DTWD2: variants seen among roughly 807,000 people sequenced by gnomAD.
DTWD2 encodes DTW motif tRNA-uridine aminocarboxypropyltransferase 2, also known as tRNA-uridine aminocarboxypropyltransferase 2.
A neutral mutation model predicts 31.8 loss-of-function variants in DTWD2; 39 were observed. The ratio of observed to expected loss-of-function variants is 1.22; its 90% CI spans 0.95 to 1.60. The LOEUF (loss-of-function observed/expected upper bound fraction) is 1.60. Among genes scored for constraint, DTWD2 ranks in the 40% most tolerant of loss-of-function variants. DTWD2 has a pLI of 0.00. For missense variants in DTWD2, 515 were observed against 381.5 expected, an observed-to-expected ratio of 1.35 and a Z score of -2.92; for synonymous variants, 180 against 142.8, an observed-to-expected ratio of 1.26 and a Z score of -1.86.
chr5:118,896,633 C>A (rs1300583905), intron 4 of DTWD2, among the ~76,000 whole-genome samples: 1 of 152,168 alleles, frequency 6.6e-6, no homozygotes, highest in Non-Finnish European at 1.5e-5. Context: ...ATTCTAAAAA[C>A]TAACACAAAG....
chr5:118,985,796 C>G (rs557286394), intron 1 of DTWD2, among the ~76,000 whole-genome samples: 1 of 152,110 alleles, frequency 6.6e-6, no homozygotes, highest in South Asian at 2.1e-4. Context: ...TTTACAAATA[C>G]TTTTACTTTG....
intron 2 of DTWD2, among the ~76,000 whole-genome samples, chr5:118,941,144 C>T (rs17144840): frequency 0.031 from 4,733 of 151,894 alleles, 93 homozygotes; most frequent in African/African-American, 0.04. Context: ...ATGGGAGAGT[C>T]AAAAACTAGC....
chr5:118,954,718 T>G (rs181836531), intron 1 of DTWD2, among the ~76,000 whole-genome samples: 3 of 152,128 alleles, frequency 2.0e-5, no homozygotes, highest in Non-Finnish European at 2.9e-5. Context: ...TTTGGATTTT[T>G]TTTTGTAGAG....
intron 4 of DTWD2, among the ~76,000 whole-genome samples, chr5:118,913,065 T>C (rs956311341): frequency 6.6e-6 from 1 of 152,172 alleles, no homozygotes; most frequent in African/African-American, 2.4e-5. Context: ...TAGCGTTCCA[T>C]TATTGGGATG....
chr5:118,910,929 C>T (rs1374537082), intron 4 of DTWD2, among the ~76,000 whole-genome samples: 1 of 152,074 alleles, frequency 6.6e-6, no homozygotes, highest in East Asian at 1.9e-4. Context: ...TTTATAAGGG[C>T]ACTAATCCAA....
At chr5:118,934,519 CA>C (rs1753995444) in intron 3 of DTWD2, among the ~76,000 whole-genome samples, 1 of 151,742 alleles carries the variant, frequency 6.6e-6, no homozygotes, top group East Asian at 1.9e-4. Flanking sequence ...TCAAGGTAAA[CA>C]GTGATAAAGT....
At chr5:118,845,294 G>T (rs1252210851) in intron 5 of DTWD2, among the ~76,000 whole-genome samples, 1 of 152,216 alleles carries the variant, frequency 6.6e-6, no homozygotes, top group Admixed American at 6.5e-5. Flanking sequence ...AAAAGTGTAT[G>T]TCATCACTTT....
rs1751571161 is a variant in DTWD2 at position 118,836,425 on chromosome 5, G to C, written c.*4492C>G. 6.6e-6 allele frequency among the ~76,000 whole-genome samples: 1 copy of C among 152,074 alleles called. No individual in the cohort carries two copies. The highest frequency in any genetic ancestry group is 1.5e-5 in the Non-Finnish European group (1 of 68,020). Reference sequence around the variant, plus strand: ...GGCTAATTTTTGTATTTTTAGTACAGATGAGGTTTCACCATCTTGGCCAGG... The same window carrying C: ...GGCTAATTTTTGTATTTTTAGTACACATGAGGTTTCACCATCTTGGCCAGG... On this transcript the variant is annotated 3_prime_UTR_variant, in exon 6 of 6. Coordinates refer to ENST00000510708, the MANE Select transcript of DTWD2 (RefSeq NM_173666.4).
At chr5:118,917,508 C>A (rs1404407344) in intron 4 of DTWD2, among the ~76,000 whole-genome samples, 1 of 152,154 alleles carries the variant, frequency 6.6e-6, no homozygotes. Flanking sequence ...TGAAGAAAAA[C>A]CCAAGACTGG....
chr5:118,913,157 C>G (rs1021157497), intron 4 of DTWD2, among the ~76,000 whole-genome samples: 1 of 151,940 alleles, frequency 6.6e-6, no homozygotes, highest in Non-Finnish European at 1.5e-5. Flanking sequence ...ATATTGCCAC[C>G]TCAGGTATAA....
intron 1 of DTWD2, among the ~76,000 whole-genome samples, chr5:118,963,901 T>C (rs1278590304): frequency 4.6e-5 from 7 of 152,088 alleles, no homozygotes; most frequent in Admixed American, 4.6e-4. Context: ...GTACCTAACT[T>C]GGTGAAAGAA....
At chr5:118,927,329 G>T (rs947810273) in intron 4 of DTWD2, among the ~76,000 whole-genome samples, 5 of 151,548 alleles carry the variant, frequency 3.3e-5, no homozygotes, top group East Asian at 1.9e-4. Flanking sequence ...AAAATCAGAA[G>T]AATAATAGAA....
chr5:118,851,322 G>T (rs1409087136), intron 4 of DTWD2, among the ~76,000 whole-genome samples: 1 of 151,644 alleles, frequency 6.6e-6, no homozygotes, highest in Non-Finnish European at 1.5e-5. Flanking sequence ...GCTGGTCTGA[G>T]AAATAAAGAG....
intron 1 of DTWD2, among the ~76,000 whole-genome samples, chr5:118,962,340 G>A (rs564371056): frequency 4.2e-4 from 64 of 152,228 alleles, no homozygotes; most frequent in African/African-American, 1.1e-3. Context: ...CTACAAATAA[G>A]CCACTGATTT....
chr5:118,983,700 G>A (rs141015889), intron 1 of DTWD2, among the ~76,000 whole-genome samples: 1 of 152,298 alleles, frequency 6.6e-6, no homozygotes, highest in East Asian at 1.9e-4. Flanking sequence ...CATTTCAACT[G>A]GTGATAATAC....
chr5:118,881,223 A>T (rs185567393), intron 4 of DTWD2, among the ~76,000 whole-genome samples: 1 of 152,208 alleles, frequency 6.6e-6, no homozygotes, highest in Non-Finnish European at 1.5e-5. Context: ...AATATCTGTT[A>T]AGTCACATGA....
At chr5:118,984,448 A>G (rs1233526643) in intron 1 of DTWD2, among the ~76,000 whole-genome samples, 2 of 151,468 alleles carry the variant, frequency 1.3e-5, no homozygotes, top group Non-Finnish European at 2.9e-5. Flanking sequence ...GTGACAGAGC[A>G]AGACTCCGTT....
intron 4 of DTWD2, among the ~76,000 whole-genome samples, chr5:118,857,628 A>T (rs1208105585): frequency 6.6e-6 from 1 of 152,222 alleles, no homozygotes; most frequent in Non-Finnish European, 1.5e-5. Context: ...TTTTAATGAA[A>T]CATAATTTAT....
chr5:118,978,744 A>C (rs889730032), intron 1 of DTWD2, among the ~76,000 whole-genome samples: 8 of 151,670 alleles, frequency 5.3e-5, no homozygotes, highest in African/African-American at 1.9e-4. Flanking sequence ...GGTGGCTCAC[A>C]CCTGTAATCC....
Sources: gnomAD v4.1 joint callset for allele counts (sites outside exome capture counted in the v4.1 genomes callset) on GRCh38, gnomAD v4.1.1 for gene constraint, MANE v1.5 for transcripts, NCBI Gene and HGNC (gene_info 2026-07-23, HGNC 2026-07-21) for gene names.